CCDC178: variants seen among roughly 807,000 people sequenced by gnomAD.
CCDC178 encodes the protein coiled-coil domain containing 178.
CCDC178 carries 126 observed loss-of-function variants against 117.4 expected under a neutral mutation model. The ratio of observed to expected loss-of-function variants is 1.07; its 90% CI spans 0.93 to 1.24. CCDC178 has a LOEUF of 1.24. Among genes scored for constraint, CCDC178 ranks in the 50% most tolerant of loss-of-function variants. CCDC178 has a pLI of 0.00. For missense variants in CCDC178, 1,030 were observed against 986.9 expected, an observed-to-expected ratio of 1.04 and a Z score of -0.59; for synonymous variants, 283 against 313.4, an observed-to-expected ratio of 0.90 and a Z score of 1.02.
At chr18:33,367,233 T>C (rs779105710) in intron 6 of CCDC178, among the ~76,000 whole-genome samples, 6 of 152,088 alleles carry the variant, frequency 3.9e-5, no homozygotes, top group Non-Finnish European at 8.8e-5. Context: ...CTCACTTTCT[T>C]GTGGGATCTA....
chr18:33,327,738 TTGTA>T (rs1165961761), intron 10 of CCDC178, among the ~76,000 whole-genome samples: 1 of 152,150 alleles, frequency 6.6e-6, no homozygotes, highest in African/African-American at 2.4e-5. Flanking sequence ...TGCTGCCCAT[TTGTA>T]TGTCTTTCTG....
intron 20 of CCDC178, among the ~76,000 whole-genome samples, chr18:33,115,241 C>A (rs192459754): frequency 7.9e-5 from 12 of 152,158 alleles, no homozygotes; most frequent in African/African-American, 2.6e-4. Flanking sequence ...TAGGCCCAAC[C>A]TTTCATACAT....
intron 20 of CCDC178, among the ~76,000 whole-genome samples, chr18:33,172,186 C>T (rs997607310): frequency 6.6e-6 from 1 of 152,116 alleles, no homozygotes; most frequent in African/African-American, 2.4e-5. Context: ...TGAGCCACCA[C>T]GCCCAGCCAA....
chr18:33,336,813 T>C (rs1474111184), intron 9 of CCDC178, among the ~76,000 whole-genome samples: 1 of 152,076 alleles, frequency 6.6e-6, no homozygotes, highest in Non-Finnish European at 1.5e-5. Context: ...TAGTATAGTT[T>C]GAAGTTGGGT....
rs1054377988 is a variant in CCDC178 at position 33,374,271 on chromosome 18, C to T, written c.209-4082G>A. On this transcript the variant is annotated intron_variant, in intron 5 of 22. Coordinates refer to ENST00000383096, the MANE Select transcript of CCDC178 (RefSeq NM_001105528.4). Reference sequence around the variant, plus strand: ...TAGAATCCCTGACCAATAACTTCTACCCAGAATGTGCAGAGAAAATTCACA... The same window carrying T: ...TAGAATCCCTGACCAATAACTTCTATCCAGAATGTGCAGAGAAAATTCACA... Among the ~76,000 whole-genome samples the T allele has an allele frequency of 2.6e-5, 4 of 152,148 alleles. No individual in the cohort carries two copies. In the South Asian group the frequency reaches 8.3e-4, roughly 31 times the overall value.
chr18:33,185,098 G>C (rs1430854637), intron 20 of CCDC178, among the ~76,000 whole-genome samples: 1 of 151,930 alleles, frequency 6.6e-6, no homozygotes, highest in Admixed American at 6.6e-5. Flanking sequence ...TGAATGTGGG[G>C]GTGTGACTCC....
At chr18:33,296,959 G>C (rs1257370839) in intron 11 of CCDC178, among the ~76,000 whole-genome samples, 1 of 152,164 alleles carries the variant, frequency 6.6e-6, no homozygotes, top group African/African-American at 2.4e-5. Context: ...AGGAGGCAGA[G>C]GTTGTAGTGA....
intron 11 of CCDC178, among the ~76,000 whole-genome samples, chr18:33,317,622 AC>A (rs1427297890): frequency 3.9e-5 from 6 of 151,984 alleles, no homozygotes; most frequent in Non-Finnish European, 8.8e-5. Context: ...CTGGACTGGG[AC>A]CCCTTTCCTG....
intron 3 of CCDC178, among the ~76,000 whole-genome samples, chr18:33,397,471 A>G (rs2063655075): frequency 6.6e-6 from 1 of 152,134 alleles, no homozygotes; most frequent in Admixed American, 6.6e-5. Flanking sequence ...GATGATAAAT[A>G]GATTCACAAT....
chr18:33,403,233 A>G (rs1206769086), intron 3 of CCDC178, among the ~76,000 whole-genome samples: 5 of 152,180 alleles, frequency 3.3e-5, no homozygotes, highest in Admixed American at 2.0e-4. Flanking sequence ...GATGCTCAGC[A>G]AAGACAGAGA....
At chr18:33,066,454 C>T (rs2144980797) in intron 21 of CCDC178, among the ~76,000 whole-genome samples, 1 of 152,182 alleles carries the variant, frequency 6.6e-6, no homozygotes, top group Non-Finnish European at 1.5e-5. Flanking sequence ...TGATAATTAA[C>T]TAGTATAATT....
intron 11 of CCDC178, among the ~76,000 whole-genome samples, chr18:33,303,413 T>G (rs1435573168): frequency 1.3e-5 from 2 of 152,200 alleles, no homozygotes. Flanking sequence ...ATATTATAGT[T>G]GTGTACACAT....
chr18:32,957,299 T>C (rs2054615115), intron 22 of CCDC178, among the ~76,000 whole-genome samples: 1 of 152,198 alleles, frequency 6.6e-6, no homozygotes, highest in South Asian at 2.1e-4. Context: ...AATTTTGACA[T>C]ATATGAGGAA....
chr18:33,044,448 C>CA (rs1349554910), intron 21 of CCDC178, among the ~76,000 whole-genome samples: 3 of 151,654 alleles, frequency 2.0e-5, no homozygotes, highest in Non-Finnish European at 4.4e-5. Context: ...CAGAGAAATG[C>CA]AAATTAAAAC....
At chr18:33,000,029 A>G (rs562233783) in intron 21 of CCDC178, among the ~76,000 whole-genome samples, 1 of 152,290 alleles carries the variant, frequency 6.6e-6, no homozygotes, top group Admixed American at 6.5e-5. Context: ...GGAGACAGAA[A>G]TATGTGACCT....
chr18:33,374,830 A>G (rs2063343759), intron 5 of CCDC178, among the ~76,000 whole-genome samples: 1 of 152,216 alleles, frequency 6.6e-6, no homozygotes, highest in African/African-American at 2.4e-5. Context: ...GCATGGATGA[A>G]TATTACAGAC....
intron 21 of CCDC178, among the ~76,000 whole-genome samples, chr18:32,980,085 A>T (rs550385111): frequency 1.0e-3 from 153 of 152,204 alleles, no homozygotes; most frequent in African/African-American, 3.5e-3. Flanking sequence ...ACAATTTTTT[A>T]AAAAAACATG....
intron 7 of CCDC178, among the ~76,000 whole-genome samples, chr18:33,356,033 T>A (rs981734332): frequency 2.0e-5 from 3 of 152,130 alleles, no homozygotes; most frequent in Non-Finnish European, 2.9e-5. Context: ...TTTCCCCTAG[T>A]GGTTATTAAA....
chr18:33,360,529 AATAG>A lies in CCDC178; in HGVS notation c.349-4187_349-4184del, dbSNP rs1270221786. Among the ~76,000 whole-genome samples the A allele has an allele frequency of 4.0e-5, 6 of 151,726 alleles. No individual in the cohort carries two copies. The East Asian group carries it at 1.2e-3, about 29-fold the overall frequency. ...GATTTTATTTATATCTAATATCCAG[AATAG>A]ATATAGCTATCAAAATTGAAAATGA... On this transcript the variant is annotated intron_variant, in intron 6 of 22. Transcript: ENST00000383096.
Sources: gnomAD v4.1 joint callset for allele counts (sites outside exome capture counted in the v4.1 genomes callset) on GRCh38, gnomAD v4.1.1 for gene constraint, MANE v1.5 for transcripts, NCBI Gene and HGNC (gene_info 2026-07-23, HGNC 2026-07-21) for gene names.